Variants in KIF25 observed in about 807,000 individuals in gnomAD.
KIF25 encodes the protein kinesin-like protein KIF25.
A neutral mutation model predicts 32.9 loss-of-function variants in KIF25; 19 were observed. The ratio of observed to expected loss-of-function variants is 0.58; its 90% CI spans 0.40 to 0.85. The LOEUF (loss-of-function observed/expected upper bound fraction) is 0.85. Ranked by LOEUF, KIF25 falls within the 40% of genes least tolerant of loss-of-function variation. The pLI, the probability that KIF25 is intolerant of heterozygous loss-of-function variation, is 0.00. For synonymous variants in KIF25, 225 were observed against 213.7 expected (o/e 1.05, Z -0.46); for missense variants, 485 against 507.0 (o/e 0.96, Z 0.42).
At position 168,007,699 on chromosome 6, in the gene KIF25, G is replaced by A. The variant is rs555521233; in HGVS notation, c.-163+3996G>A. 4.3e-4 allele frequency among the ~76,000 whole-genome samples: 66 copies of A among 152,310 alleles called. 1 individual carries two copies. Among genetic ancestry groups the A allele is most frequent in the Middle Eastern group, 3.4e-3 (1 of 292 alleles). On this transcript the variant is annotated intron_variant, in intron 4 of 12. Transcript: ENST00000643607. ...TGATCCTCTGCCTAATCAGGGTTGC[G>A]GTGGTCTGGGTTGTGAATCAGAGTT...
At position 168,014,229 on chromosome 6, in the gene KIF25, CA is replaced by C. The variant is rs550221299; in HGVS notation, c.-162-3743del. Among the ~76,000 whole-genome samples the C allele has an allele frequency of 7.9e-5, 12 of 152,234 alleles. No individual in the cohort carries two copies. The South Asian group carries it at 2.5e-3, about 32-fold the overall frequency. The stretch of plus-strand genomic sequence containing the variant: ...TCCTGGTTAACCTGAAGGAGTTTTT[CA>C]GTGAGGAAATGCATCCTGAGGCTGA... On this transcript the variant is annotated intron_variant, in intron 4 of 12. Transcript: ENST00000643607.
intron 7 of KIF25, among the ~76,000 whole-genome samples, chr6:168,033,114 G>A (rs1045585877): frequency 4.6e-5 from 7 of 152,174 alleles, no homozygotes; most frequent in African/African-American, 1.4e-4. Flanking sequence ...GGCAGCAGGT[G>A]CTACGTCACA....
chr6:168,001,580 CGTGGCCTCGGGCAGGTGAGAAGACACCT>C (rs1798502963), intron 2 of KIF25, among the ~76,000 whole-genome samples: 1 of 54,374 alleles, frequency 1.8e-5, no homozygotes, highest in South Asian at 5.9e-4. Context: ...ACACCTGAGG[CGTGGCCTCGGGCAGGTGAGAAGACACCT>C]GAGGCCGTGG....
chr6:168,019,697 A>G (rs779050819), intron 5 of KIF25, among the ~76,000 whole-genome samples: 12 of 152,104 alleles, frequency 7.9e-5, no homozygotes, highest in Non-Finnish European at 1.3e-4. Context: ...TGTTATATGT[A>G]TTTTTTTACC....
intron 4 of KIF25, among the ~76,000 whole-genome samples, chr6:168,007,197 G>A (rs552075755): frequency 6.6e-6 from 1 of 152,244 alleles, no homozygotes; most frequent in South Asian, 2.1e-4. Flanking sequence ...GATCACCTGA[G>A]GCCAGGAGTT....
intron 7 of KIF25, among the ~76,000 whole-genome samples, chr6:168,032,934 AAG>A (rs1798961448): frequency 6.6e-6 from 1 of 152,190 alleles, no homozygotes; most frequent in Non-Finnish European, 1.5e-5. Context: ...CATCATGACT[AAG>A]AGGATGATTT....
rs981189420 is a variant in KIF25 at position 168,033,807 on chromosome 6, C to T, written c.168-75C>T. On this transcript the variant is annotated intron_variant, in intron 7 of 12. Coordinates refer to ENST00000643607, the MANE Select transcript of KIF25 (RefSeq NM_030615.4). ...ATGAAATGTATTGAAGTTTCTCATA[C>T]AAGTGAAAATTTTTCCTGGAATCTT... is the stretch of plus-strand genomic sequence containing the variant. 7 of 1,496,508 alleles carry T rather than the reference C, an allele frequency of 4.7e-6. No individual in the cohort carries two copies. In the African/African-American group the frequency reaches 9.7e-5, roughly 21 times the overall value. The allele number at this position is 1,496,508 out of a possible 1,614,324, so 92.7% of individuals were successfully genotyped here. A position where few individuals can be genotyped will look rare whatever the true frequency, so the allele number is the denominator to read the frequency against.
intron 9 of KIF25, 107 bp downstream of exon 9, chr6:168,038,836 A>C: frequency 9.1e-7 from 1 of 1,097,042 alleles, no homozygotes; most frequent in Non-Finnish European, 1.3e-6. Flanking sequence ...CCCCACGCCC[A>C]AGGATCCCAA....
intron 4 of KIF25, among the ~76,000 whole-genome samples, chr6:168,006,290 C>T (rs1299116901): frequency 6.6e-6 from 1 of 151,798 alleles, no homozygotes; most frequent in Non-Finnish European, 1.5e-5. Context: ...GATCCTCCTG[C>T]TTTGGCCTCC....
intron 10 of KIF25, among the ~76,000 whole-genome samples, chr6:168,040,618 A>G (rs1411425526): frequency 6.6e-6 from 1 of 152,136 alleles, no homozygotes; most frequent in Non-Finnish European, 1.5e-5. Flanking sequence ...GCAGCATCCA[A>G]GGCCTCTCAT....
At chr6:168,002,708 A>G (rs184698682) in intron 3 of KIF25, 49 bp downstream of exon 3, 1 of 152,316 alleles carries the variant, frequency 6.6e-6, no homozygotes, top group East Asian at 1.9e-4. Flanking sequence ...AGGATGACTC[A>G]ACTGCATTTC....
chr6:168,040,339 G>A, intron 10 of KIF25, 123 bp downstream of exon 10: 1 of 965,442 alleles, frequency 1.0e-6, no homozygotes, highest in South Asian at 1.8e-5. Flanking sequence ...ACTGAGGCGG[G>A]TGGATCACCT....
In KIF25 at chr6:168,045,025, TG is replaced by T; in HGVS notation, c.*30del. On this transcript the variant is annotated 3_prime_UTR_variant, in exon 13 of 13. Transcript: ENST00000643607. ...CATTAACAAGTTTTTCTCCTAAAAC[TG>T]TGTTTCTTGTCCTTGCTTTATAATG... The T allele has an allele frequency of 2.6e-6, 4 of 1,563,476 alleles. No homozygotes were observed. Among genetic ancestry groups the T allele is most frequent in the Non-Finnish European group, 3.5e-6 (4 of 1,150,786 alleles).
intron 5 of KIF25, among the ~76,000 whole-genome samples, chr6:168,026,852 T>C (rs1798866757): frequency 6.6e-6 from 1 of 152,250 alleles, no homozygotes; most frequent in Non-Finnish European, 1.5e-5. Context: ...TGTATTCTTG[T>C]AGAACAGGAA....
intron 7 of KIF25, among the ~76,000 whole-genome samples, chr6:168,033,033 T>G (rs1175839586): frequency 6.6e-6 from 1 of 152,156 alleles, no homozygotes; most frequent in East Asian, 1.9e-4. Flanking sequence ...TGGAAGGAAA[T>G]GTAGGGATGT....
rs114655801 is a variant in KIF25 at position 168,015,204 on chromosome 6, C to T, written c.-162-2769C>T. ...GCACGGAGCTTGTAGATGTGCAGTC[C>T]CTCCCTCCTGGCTGTTTTGTGTCTG... On this transcript the variant is annotated intron_variant, in intron 4 of 12. Transcript: ENST00000643607. 5.0e-3 allele frequency among the ~76,000 whole-genome samples: 762 copies of T among 152,192 alleles called. 6 individuals carry two copies. The highest frequency in any genetic ancestry group is 0.017 in the African/African-American group (723 of 41,516).
At chr6:168,040,369 C>A (rs567146386) in intron 10 of KIF25, among the ~76,000 whole-genome samples, 153 bp downstream of exon 10, 1 of 152,280 alleles carries the variant, frequency 6.6e-6, no homozygotes, top group East Asian at 1.9e-4. Flanking sequence ...AGTTTGAGAC[C>A]AGCCTGGCCA....
intron 8 of KIF25, among the ~76,000 whole-genome samples, chr6:168,038,004 G>T (rs1414147728): frequency 2.6e-5 from 4 of 152,100 alleles, no homozygotes; most frequent in South Asian, 4.1e-4. Flanking sequence ...GTGAGCCACC[G>T]TGCCTGGCTG....
rs544462340 is a variant in KIF25 at position 168,001,290 on chromosome 6, A to G, written c.-369-1253A>G. Among the ~76,000 whole-genome samples, 5 of 152,360 alleles carry G rather than the reference A, an allele frequency of 3.3e-5. No individual in the cohort carries two copies. The East Asian group carries it at 9.7e-4, about 29-fold the overall frequency. On this transcript the variant is annotated intron_variant, in intron 2 of 12. Coordinates refer to ENST00000643607, the MANE Select transcript of KIF25 (RefSeq NM_030615.4). ...GGGCATTTTCTTTCAGCGTCATCTC[A>G]GTGCTCAAAACGTTTTGGATTTTGG...
Sources: gnomAD v4.1 joint callset for allele counts (sites outside exome capture counted in the v4.1 genomes callset) on GRCh38, gnomAD v4.1.1 for gene constraint, MANE v1.5 for transcripts, NCBI Gene and HGNC (gene_info 2026-07-23, HGNC 2026-07-21) for gene names.